Variants in UBOX5 observed in about 807,000 individuals in gnomAD.
UBOX5 encodes the protein U-box domain containing 5, also known as RING finger protein 37.
UBOX5 carries 28 observed loss-of-function variants against 39.0 expected under a neutral mutation model. That is an observed-to-expected ratio of 0.72 (90% CI 0.53 to 0.98). UBOX5 has a LOEUF of 0.98. UBOX5 is among the 50% of genes least tolerant of loss of function. The pLI, the probability that UBOX5 is intolerant of heterozygous loss-of-function variation, is 0.00. For synonymous variants in UBOX5, 283 were observed against 275.5 expected (o/e 1.03, Z -0.27); for missense variants, 585 against 674.4 (o/e 0.87, Z 1.47).
In UBOX5 at chr20:3,123,472, ATTC is replaced by A. The variant is rs1422851090; in HGVS notation, c.-41-69_-41-67del. 1.1e-5 allele frequency: 13 copies of A among 1,206,796 alleles called. No individual in the cohort carries two copies. The Admixed American group carries it at 2.3e-4, about 21-fold the overall frequency. The allele number at this position is 1,206,796 out of a possible 1,614,324, so 74.8% of individuals were successfully genotyped here. ...TTCAATTCTAAACTTTCAGAAGTTG[ATTC>A]TTAAGAGAATCAAACAGGATGGCAA... On this transcript the variant is annotated intron_variant, in intron 1 of 4. Coordinates refer to ENST00000217173, the MANE Select transcript of UBOX5 (RefSeq NM_014948.4).
rs563063044 is a variant in UBOX5 at position 3,124,945 on chromosome 20, C to T, written c.-41-1539G>A. Among the ~76,000 whole-genome samples, 438 of 145,522 alleles carry T rather than the reference C, an allele frequency of 3.0e-3. 2 individuals carry two copies. Among genetic ancestry groups the T allele is most frequent in the Admixed American group, 6.9e-3 (101 of 14,698 alleles). On this transcript the variant is annotated intron_variant, in intron 1 of 4. Coordinates refer to ENST00000217173, the MANE Select transcript of UBOX5 (RefSeq NM_014948.4). ...CACCCATCATCTGGGAAGCGAGGAG[C>T]GCTGCTGCCCGGCCACCCCGTCTGG...
chr20:3,129,858 T>C (rs2066416180), intron 1 of UBOX5, among the ~76,000 whole-genome samples: 1 of 152,178 alleles, frequency 6.6e-6, no homozygotes, highest in African/African-American at 2.4e-5. Context: ...CCCTCAAATT[T>C]CTCCCTACCT....
intron 3 of UBOX5, among the ~76,000 whole-genome samples, chr20:3,120,977 C>T (rs1472769884): frequency 6.6e-6 from 1 of 152,102 alleles, no homozygotes; most frequent in Admixed American, 6.6e-5. Flanking sequence ...AAGAAGGCAC[C>T]AGAAGAGATT....
chr20:3,137,041 G>A (rs1205315096), intron 1 of UBOX5, among the ~76,000 whole-genome samples: 2 of 151,606 alleles, frequency 1.3e-5, no homozygotes, highest in African/African-American at 2.4e-5. Context: ...TTCACCTCCC[G>A]GGTTCAAGCA....
intron 1 of UBOX5, among the ~76,000 whole-genome samples, chr20:3,129,398 C>T (rs1600384047): frequency 6.6e-6 from 1 of 152,086 alleles, no homozygotes; most frequent in East Asian, 1.9e-4. Flanking sequence ...ATTCAGTGGC[C>T]GACTTGTGAC....
intron 1 of UBOX5, chr20:3,146,705 T>A: frequency 6.6e-7 from 1 of 1,508,728 alleles, no homozygotes; most frequent in Non-Finnish European, 8.9e-7. Flanking sequence ...TTCTGGCTTT[T>A]ATAATCATTT....
In UBOX5 at chr20:3,148,996, G is replaced by A. The variant is rs781396179; in HGVS notation, c.-42+10770C>T. The stretch of plus-strand genomic sequence containing the variant: ...TCACATTCCAGTATGACACACTTCG[G>A]ACTGCACCAAAGGCAGAAGGACTGC... On this transcript the variant is annotated intron_variant, in intron 1 of 4. Transcript: ENST00000217173. 7 of 1,614,068 alleles carry A rather than the reference G, an allele frequency of 4.3e-6. No homozygotes were observed. The Admixed American group carries it at 1.2e-4, about 27-fold the overall frequency.
chr20:3,136,536 G>C (rs2066473974), intron 1 of UBOX5, among the ~76,000 whole-genome samples: 1 of 151,184 alleles, frequency 6.6e-6, no homozygotes, highest in Non-Finnish European at 1.5e-5. Flanking sequence ...TGCATTTTTA[G>C]TAGAAATGGG....
intron 1 of UBOX5, chr20:3,147,845 CCTT>C (rs1555764477): frequency 1.2e-6 from 2 of 1,614,110 alleles, no homozygotes; most frequent in Non-Finnish European, 1.7e-6. Flanking sequence ...ATTCATTACT[CCTT>C]CATTCAGGAA....
rs1209614057 is a variant in UBOX5, at chr20:3,149,351, C to T, written c.-42+10415G>A. 4 of 414,306 alleles carry T rather than the reference C, an allele frequency of 9.7e-6. No individual in the cohort carries two copies. The highest frequency in any genetic ancestry group is 2.0e-5 in the African/African-American group (1 of 50,396). 25.7% of individuals were successfully genotyped at this position (414,306 alleles called of 1,614,324 possible). ...TAAAAAACAGGTTGAAACTACACTGCTGTCTACTCAAATAAGTTCAATGCT... is the reference window on the plus strand; with the variant it reads ...TAAAAAACAGGTTGAAACTACACTGTTGTCTACTCAAATAAGTTCAATGCT... On this transcript the variant is annotated intron_variant, in intron 1 of 4. Coordinates refer to ENST00000217173, the MANE Select transcript of UBOX5 (RefSeq NM_014948.4). The surrounding 1 kb of genome is among the most constrained non-coding windows in gnomAD (Gnocchi z 4.1).
chr20:3,130,323 T>C (rs995754985), intron 1 of UBOX5, among the ~76,000 whole-genome samples: 4 of 135,826 alleles, frequency 2.9e-5, no homozygotes, highest in African/African-American at 1.2e-4. Context: ...GACATTTAGG[T>C]TGTTTATGCC....
intron 1 of UBOX5, among the ~76,000 whole-genome samples, chr20:3,141,244 TAAAG>T (rs1475896115): frequency 2.0e-5 from 3 of 151,934 alleles, no homozygotes; most frequent in Non-Finnish European, 4.4e-5. Flanking sequence ...CAAATAAAAA[TAAAG>T]AATGTTCACT....
At chr20:3,138,841 C>G (rs1281390895) in intron 1 of UBOX5, among the ~76,000 whole-genome samples, 1 of 152,166 alleles carries the variant, frequency 6.6e-6, no homozygotes, top group Non-Finnish European at 1.5e-5. Flanking sequence ...CTGAACACCT[C>G]AGCATCCAGC....
chr20:3,144,775 T>C (rs1386550099), intron 1 of UBOX5, among the ~76,000 whole-genome samples: 1 of 152,214 alleles, frequency 6.6e-6, no homozygotes, highest in South Asian at 2.1e-4. Context: ...TAACCAAACC[T>C]GAATCCCACC....
At chr20:3,142,674 G>A (rs1442496691) in intron 1 of UBOX5, among the ~76,000 whole-genome samples, 1 of 146,962 alleles carries the variant, frequency 6.8e-6, no homozygotes, top group East Asian at 2.0e-4. Context: ...TTGGGTGGCT[G>A]AGGCACGAGA....
intron 1 of UBOX5, among the ~76,000 whole-genome samples, chr20:3,137,117 G>A (rs532095495): frequency 2.1e-3 from 323 of 151,020 alleles, no homozygotes; most frequent in Middle Eastern, 6.9e-3. Flanking sequence ...GCTAATTTTC[G>A]CATTTTCAGT....
intron 1 of UBOX5, among the ~76,000 whole-genome samples, chr20:3,144,995 G>C (rs1300822267): frequency 6.6e-6 from 1 of 152,132 alleles, no homozygotes; most frequent in Admixed American, 6.5e-5. Flanking sequence ...GGAGCTAAAA[G>C]AAAAATATTA....
Position 3,108,559 on chromosome 20 carries a change from T to C in UBOX5, c.*1547A>G, listed in dbSNP as rs1243423911. 1 of 152,270 alleles carries C rather than the reference T, an allele frequency of 6.6e-6. No homozygotes were observed. The highest frequency in any genetic ancestry group is 1.5e-5 in the Non-Finnish European group (1 of 68,086). The allele number at this position is 152,270 out of a possible 1,614,324, so 9.4% of individuals were successfully genotyped here. On this transcript the variant is annotated 3_prime_UTR_variant, in exon 5 of 5. Transcript: ENST00000217173. ...GGACCCTCAAATCTCATGTGAAGGC[T>C]GCATCAAGGTCAGTGCCAAGAGGAA... is the stretch of plus-strand genomic sequence containing the variant.
At position 3,152,485 on chromosome 20, in the gene UBOX5, G is replaced by C. The variant is rs761090438; in HGVS notation, c.-42+7281C>G. 3.8e-4 allele frequency among the ~76,000 whole-genome samples: 58 copies of C among 152,152 alleles called. 1 individual carries two copies. The highest frequency in any genetic ancestry group is 3.9e-4 in the East Asian group (2 of 5,170). On this transcript the variant is annotated intron_variant, in intron 1 of 4. Transcript: ENST00000217173. ...CCACTGCACTGCAGCCCGGGCGATA[G>C]TGCAAGACTCTGTCTCAAAAAAAAA...
Sources: gnomAD v4.1 joint callset for allele counts (sites outside exome capture counted in the v4.1 genomes callset) on GRCh38, gnomAD v4.1.1 for gene constraint, Gnocchi (gnomAD v3.1) non-coding constraint, MANE v1.5 for transcripts, NCBI Gene and HGNC (gene_info 2026-07-23, HGNC 2026-07-21) for gene names.